The following FMN1 variants were observed in gnomAD, a reference collection of about 807,000 sequenced individuals.
FMN1 encodes the protein formin-1.
FMN1 carries 110 observed loss-of-function variants against 132.4 expected under a neutral mutation model. The ratio of observed to expected loss-of-function variants is 0.83; its 90% CI spans 0.71 to 0.97. FMN1 has a LOEUF of 0.97. FMN1 is among the 50% of genes least tolerant of loss of function. FMN1 has a pLI of 0.00. For missense variants in FMN1, 1,792 were observed against 1,705.3 expected, an observed-to-expected ratio of 1.05 and a Z score of -0.90; for synonymous variants, 722 against 651.7, an observed-to-expected ratio of 1.11 and a Z score of -1.64.
At chr15:32,877,187 T>G (rs576608169) in intron 16 of FMN1, among the ~76,000 whole-genome samples, 15 of 151,940 alleles carry the variant, frequency 9.9e-5, no homozygotes, top group South Asian at 4.2e-4. Context: ...CTTTGCAGGC[T>G]GAGGCAGGAG....
chr15:32,841,306 A>G (rs1170104258), intron 17 of FMN1, among the ~76,000 whole-genome samples: 1 of 152,228 alleles, frequency 6.6e-6, no homozygotes, highest in African/African-American at 2.4e-5. Flanking sequence ...AAGAAGTCTC[A>G]TATATCCAAG....
intron 4 of FMN1, among the ~76,000 whole-genome samples, chr15:33,149,297 A>G (rs1047557390): frequency 6.6e-6 from 1 of 152,194 alleles, no homozygotes; most frequent in African/African-American, 2.4e-5. Context: ...TAGTTGTTTT[A>G]CAAAACCTGA....
At chr15:33,030,590 A>G (rs2035890183) in intron 6 of FMN1, among the ~76,000 whole-genome samples, 1 of 152,224 alleles carries the variant, frequency 6.6e-6, no homozygotes. Context: ...ATAGAATTTT[A>G]TATTGCCAAA....
intron 15 of FMN1, among the ~76,000 whole-genome samples, chr15:32,891,787 C>CAT (rs771832169): frequency 8.2e-4 from 125 of 151,644 alleles, no homozygotes; most frequent in African/African-American, 1.8e-3. Context: ...TTACTATACA[C>CAT]ACATATATAT....
intron 17 of FMN1, 93 bp downstream of exon 17, chr15:32,856,922 C>A: frequency 1.2e-6 from 1 of 860,504 alleles, no homozygotes; most frequent in Non-Finnish European, 2.0e-6. Flanking sequence ...TGTGGTCAGC[C>A]AGGATGCCAG....
At chr15:32,997,988 C>G (rs910071201) in intron 7 of FMN1, among the ~76,000 whole-genome samples, 1 of 152,180 alleles carries the variant, frequency 6.6e-6, no homozygotes, top group African/African-American at 2.4e-5. Context: ...CCTCTTTATC[C>G]TCTGTACCAG....
intron 16 of FMN1, among the ~76,000 whole-genome samples, chr15:32,877,065 CACCT>C (rs1041476924): frequency 6.6e-6 from 1 of 152,156 alleles, no homozygotes; most frequent in Non-Finnish European, 1.5e-5. Context: ...GCAGGTGGAT[CACCT>C]GAAGTCAGGA....
At chr15:33,086,776 A>T (rs1342550056) in intron 5 of FMN1, among the ~76,000 whole-genome samples, 1 of 152,214 alleles carries the variant, frequency 6.6e-6, no homozygotes, top group Non-Finnish European at 1.5e-5. Context: ...ACTAATTCTC[A>T]TGTCATCTCC....
chr15:33,048,631 C>CAAAAAAAAAAAAAAAAAAAA (rs768997793), intron 6 of FMN1, among the ~76,000 whole-genome samples: 16 of 43,426 alleles, frequency 3.7e-4, no homozygotes, highest in Non-Finnish European at 5.0e-4. Context: ...GGCAATTTAC[C>CAAAAAAAAAAAAAAAAAAAA]AAAAAAAAAA....
intron 19 of FMN1, among the ~76,000 whole-genome samples, chr15:32,793,716 A>T (rs542624642): frequency 6.6e-6 from 1 of 152,322 alleles, no homozygotes; most frequent in South Asian, 2.1e-4. Flanking sequence ...GGGTGATTGT[A>T]TTATTAAGGG....
chr15:33,030,232 G>A (rs1463090283), intron 6 of FMN1, among the ~76,000 whole-genome samples: 2 of 152,174 alleles, frequency 1.3e-5, no homozygotes, highest in Non-Finnish European at 2.9e-5. Flanking sequence ...GATAGTATTA[G>A]CTGACTGAAA....
chr15:32,908,398 C>T, intron 12 of FMN1, 92 bp downstream of exon 12: 1 of 807,738 alleles, frequency 1.2e-6, no homozygotes, highest in Non-Finnish European at 2.1e-6. Context: ...GCTGGCTGCA[C>T]ATTTAGATTT....
At chr15:32,928,879 T>C (rs2061029218) in intron 9 of FMN1, among the ~76,000 whole-genome samples, 1 of 152,164 alleles carries the variant, frequency 6.6e-6, no homozygotes, top group South Asian at 2.1e-4. Flanking sequence ...CATTTCTCTG[T>C]TAGCTAATTA....
intron 20 of FMN1, among the ~76,000 whole-genome samples, chr15:32,776,079 CA>C (rs1000016450): frequency 1.1e-4 from 17 of 151,730 alleles, no homozygotes; most frequent in African/African-American, 2.9e-4. Flanking sequence ...AAAATAACCC[CA>C]AAAAAAAAGT....
intron 16 of FMN1, among the ~76,000 whole-genome samples, chr15:32,881,642 A>G (rs916538416): frequency 2.0e-5 from 3 of 152,148 alleles, no homozygotes; most frequent in Non-Finnish European, 4.4e-5. Flanking sequence ...TTTCACCCTC[A>G]TGACAAGATC....
intron 6 of FMN1, among the ~76,000 whole-genome samples, chr15:33,021,262 C>A (rs1218209447): frequency 6.6e-6 from 1 of 152,208 alleles, no homozygotes; most frequent in African/African-American, 2.4e-5. Context: ...CCTATGCTAA[C>A]AAATGCTTGT....
At chr15:32,898,126 G>A (rs561419884) in intron 15 of FMN1, among the ~76,000 whole-genome samples, 41 of 152,306 alleles carry the variant, frequency 2.7e-4, no homozygotes, top group South Asian at 1.9e-3. Flanking sequence ...AAGGCCCTGA[G>A]ATCTCTACTA....
chr15:33,105,961 T>A (rs1275035781), intron 4 of FMN1: 1 of 152,104 alleles, frequency 6.6e-6, no homozygotes, highest in African/African-American at 2.4e-5. Flanking sequence ...CTCTTTGATG[T>A]GTAGCATGAA....
chr15:33,187,803 G>C (rs1031234988), intron 2 of FMN1, among the ~76,000 whole-genome samples: 3 of 152,134 alleles, frequency 2.0e-5, no homozygotes, highest in Admixed American at 6.5e-5. Context: ...CACTTTTCCA[G>C]AAAGAAAAGG....
Sources: allele counts gnomAD v4.1 joint callset (sites outside exome capture counted in the v4.1 genomes callset), GRCh38; gene constraint gnomAD v4.1.1; transcripts MANE v1.5; gene names NCBI Gene and HGNC (gene_info 2026-07-23, HGNC 2026-07-21).